Variants in VWF observed in about 807,000 individuals in gnomAD.
VWF encodes Factor VIII related antigen.
VWF carries 176 observed loss-of-function variants against 308.6 expected under a neutral mutation model. The observed-to-expected ratio is 0.57, with a 90% CI of 0.50 to 0.65. The LOEUF (loss-of-function observed/expected upper bound fraction) is 0.65. Ranked by LOEUF, VWF falls within the 30% of genes least tolerant of loss-of-function variation. VWF has a pLI of 0.00. For missense variants in VWF, 3,146 were observed against 3,648.2 expected (o/e 0.86, Z 3.55); for synonymous variants, 1,385 against 1,443.4 (o/e 0.96, Z 0.92).
intron 3 of VWF, among the ~76,000 whole-genome samples, chr12:6,118,205 A>G (rs939588486): frequency 4.6e-5 from 7 of 151,974 alleles, no homozygotes; most frequent in Non-Finnish European, 8.8e-5. Flanking sequence ...AGCCCAGAAC[A>G]TGAACTCTGT....
At chr12:6,045,423 A>C (rs1944437110) in intron 17 of VWF, among the ~76,000 whole-genome samples, 1 of 152,256 alleles carries the variant, frequency 6.6e-6, no homozygotes, top group South Asian at 2.1e-4. Context: ...TACATTTTCC[A>C]GTGACCAGAC....
chr12:5,978,566 A>G (rs1943557573), intron 42 of VWF, among the ~76,000 whole-genome samples: 1 of 152,204 alleles, frequency 6.6e-6, no homozygotes, highest in South Asian at 2.1e-4. Context: ...TATTACAGGT[A>G]TATTGCAAGA....
intron 40 of VWF, 147 bp from the exon 41 acceptor site, chr12:5,983,401 G>C (rs1167679440): frequency 2.1e-6 from 1 of 479,326 alleles, no homozygotes; most frequent in Non-Finnish European, 3.9e-6. Context: ...ACATGGGTTA[G>C]GATAGATAGA....
At chr12:5,989,962 A>T (rs751879498) in intron 38 of VWF, among the ~76,000 whole-genome samples, 2 of 152,254 alleles carry the variant, frequency 1.3e-5, no homozygotes, top group African/African-American at 2.4e-5. Context: ...GCAGGAGCTC[A>T]GGAGCTATAC....
At chr12:6,101,983 C>G (rs2136508622) in intron 5 of VWF, among the ~76,000 whole-genome samples, 1 of 151,964 alleles carries the variant, frequency 6.6e-6, no homozygotes, top group African/African-American at 2.4e-5. Context: ...ACAGACAGAA[C>G]ATGACATTTA....
At chr12:6,057,775 T>A in intron 14 of VWF, 74 bp downstream of exon 14, 1 of 1,495,836 alleles carries the variant, frequency 6.7e-7, no homozygotes, top group South Asian at 1.3e-5. Flanking sequence ...GAGCACTGCC[T>A]CCGGAACGCA....
At chr12:6,023,808 G>A (rs1194527747) in intron 24 of VWF, 21 bp from the exon 25 acceptor site, 5 of 1,610,314 alleles carry the variant, frequency 3.1e-6, no homozygotes, top group African/African-American at 2.7e-5. Flanking sequence ...AGCCTCAGGT[G>A]GCCCAGGCCT....
chr12:6,103,445 T>TAC (rs1227725725), intron 5 of VWF, among the ~76,000 whole-genome samples: 10 of 101,752 alleles, frequency 9.8e-5, no homozygotes, highest in South Asian at 5.5e-4. Flanking sequence ...TGTATATACA[T>TAC]ACACATATAT....
chr12:6,108,046 C>T (rs1481860389), intron 5 of VWF, among the ~76,000 whole-genome samples: 1 of 151,986 alleles, frequency 6.6e-6, no homozygotes, highest in African/African-American at 2.4e-5. Context: ...GTAATCCCAG[C>T]ACTTTGGGAG....
chr12:5,983,160 G>C lies in VWF; in HGVS notation c.7071C>G (p.Asn2357Lys), dbSNP rs765168583. The stretch of plus-strand genomic sequence containing the variant: ...CCACAGAGGCCTTACCGCAGGTGAA[G>C]TTGGGTCTGCACTCGCCAGGGTTGG... ...TLTNPGECRP[N>K]FTCACRKEEC... Residue 2357 changes from asparagine to lysine, a missense_variant, in exon 41 of 52, where the codon AAC becomes AAG. Around this residue, in one of 3 missense-constraint regions of VWF, gnomAD observed 989 missense variants for 1,117.4 expected, o/e 0.89. Coordinates refer to ENST00000261405, the MANE Select transcript of VWF (RefSeq NM_000552.5). 1 of 1,613,878 alleles carries C rather than the reference G, an allele frequency of 6.2e-7. No homozygotes were observed. Among genetic ancestry groups the C allele is most frequent in the Non-Finnish European group, 8.5e-7 (1 of 1,179,918 alleles).
intron 38 of VWF, among the ~76,000 whole-genome samples, chr12:5,987,826 T>A (rs1454813804): frequency 6.6e-6 from 1 of 152,066 alleles, no homozygotes; most frequent in African/African-American, 2.4e-5. Flanking sequence ...AGACCAGTAG[T>A]TGTCTAGGGT....
rs769955003 is a variant in VWF at position 6,110,577 on chromosome 12, G to A, written c.329C>T (p.Ser110Phe). Residue 110 changes from serine (S) to phenylalanine (F), a missense_variant, in exon 5 of 52, where the codon TCC (serine) becomes TTC (phenylalanine). Coordinates refer to ENST00000261405, the MANE Select transcript of VWF (RefSeq NM_000552.5). Reference protein sequence around the residue: ...GTVTQGDQRVSMPYASKGLYL... With the variant: ...GTVTQGDQRVFMPYASKGLYL... The stretch of plus-strand genomic sequence containing the variant: ...CAGCCCTTTGGAGGCATAGGGCATG[G>A]AGACTCTGGAGGGCAAAGGCTAAGT... The A allele has an allele frequency of 1.2e-5, 20 of 1,614,160 alleles. 1 individual carries two copies. The South Asian group carries it at 2.1e-4, about 17-fold the overall frequency.
At chr12:6,038,197 G>C (rs1032366772) in intron 18 of VWF, among the ~76,000 whole-genome samples, 1 of 152,162 alleles carries the variant, frequency 6.6e-6, no homozygotes, top group Non-Finnish European at 1.5e-5. Context: ...GTCACAATTA[G>C]GGTTCATGTC....
intron 5 of VWF, among the ~76,000 whole-genome samples, chr12:6,108,777 G>C (rs1249611891): frequency 2.0e-5 from 3 of 151,994 alleles, no homozygotes; most frequent in South Asian, 4.2e-4. Context: ...GTCAGGAGTT[G>C]GAGACCACCC....
chr12:6,052,575 T>C lies in VWF; in HGVS notation c.2154A>G (p.Pro718=). The C allele has an allele frequency of 6.2e-7, 1 of 1,614,280 alleles. No homozygotes were observed. Residue 718 remains proline, a synonymous_variant, in exon 16 of 52, where the codon CCA becomes CCG. Transcript: ENST00000261405. ...TGTGATGGTCTGAGAAGATGTCTTC[T>C]GGCTGGAAGATCTCACCGTCATAGT... ...PCYYDGEIFQ[P]EDIFSDHHTM...
At chr12:6,027,175 C>A (rs1944204733) in intron 22 of VWF, among the ~76,000 whole-genome samples, 1 of 152,202 alleles carries the variant, frequency 6.6e-6, no homozygotes, top group African/African-American at 2.4e-5. Flanking sequence ...GCTACTGCCC[C>A]TCCCTGCCCT....
chr12:5,967,956 C>T (rs1295663668), intron 46 of VWF, among the ~76,000 whole-genome samples, 171 bp downstream of exon 46: 1 of 152,132 alleles, frequency 6.6e-6, no homozygotes, highest in African/African-American at 2.4e-5. Context: ...GGAAGATGGT[C>T]CTAGCCTGGG....
Position 5,967,582 on chromosome 12 carries a change from G to C in VWF, c.7791C>G (p.Ile2597Met). The C allele has an allele frequency of 1.9e-6, 3 of 1,613,848 alleles. No homozygotes were observed. Among genetic ancestry groups the C allele is most frequent in the Non-Finnish European group, 2.5e-6 (3 of 1,179,982 alleles). The change falls in exon 47 of 52, where the codon ATC (isoleucine) becomes ATG (methionine). Residue 2597 changes from isoleucine to methionine, a missense_variant. Coordinates refer to ENST00000261405, the MANE Select transcript of VWF (RefSeq NM_000552.5). Reference sequence around the variant, plus strand: ...TGCAGCGGCAGGTCGTGCACACATCGATCATCACAGTCTTCCCGGGCTGGA... The same window carrying C: ...TGCAGCGGCAGGTCGTGCACACATCCATCATCACAGTCTTCCCGGGCTGGA... ...TVIGPGKTVMIDVCTTCRCMV... is the reference protein window; with the variant it reads ...TVIGPGKTVMMDVCTTCRCMV...
rs192555273 is a variant in VWF, at chr12:6,024,524, A to C, written c.3223-737T>G. Among the ~76,000 whole-genome samples, 467 of 152,338 alleles carry C rather than the reference A, an allele frequency of 3.1e-3. 3 individuals carry two copies. Among genetic ancestry groups the C allele is most frequent in the African/African-American group, 0.011 (449 of 41,572 alleles). On this transcript the variant is annotated intron_variant, in intron 24 of 51. Transcript: ENST00000261405. This position sits in a 1 kb window ranked among gnomAD's most constrained non-coding sequence, Gnocchi z 4.0. ...ACCAGGGAATGTAAGTATCCTTTGG[A>C]GTCCTCAGAGACCGAAAATCACTGC...
Sources: allele counts gnomAD v4.1 joint callset (sites outside exome capture counted in the v4.1 genomes callset), GRCh38; gene constraint gnomAD v4.1.1; regional missense constraint gnomAD v4.1.1; non-coding constraint Gnocchi (gnomAD v3.1); transcripts MANE v1.5; gene names NCBI Gene and HGNC (gene_info 2026-07-23, HGNC 2026-07-21).